Variants in EVI5 observed in about 807,000 individuals in gnomAD.
EVI5 encodes ecotropic viral integration site 5 protein homolog.
Under a neutral mutation model 112.0 loss-of-function variants are expected in EVI5, and 73 were observed. The observed-to-expected ratio is 0.65, with a 90% CI of 0.54 to 0.79. EVI5 has a LOEUF of 0.79. Ranked by LOEUF, EVI5 falls within the 30% of genes least tolerant of loss-of-function variation. The pLI, the probability that EVI5 is intolerant of heterozygous loss-of-function variation, is 0.00. For missense variants in EVI5, 900 were observed against 968.8 expected (o/e 0.93, Z 0.94); for synonymous variants, 305 against 319.9 (o/e 0.95, Z 0.50).
chr1:92,666,386 T>G (rs1417220121), intron 10 of EVI5, among the ~76,000 whole-genome samples: 1 of 150,322 alleles, frequency 6.7e-6, no homozygotes, highest in Non-Finnish European at 1.5e-5. Context: ...CATGCATGCA[T>G]GCACACACAT....
intron 1 of EVI5, chr1:92,756,579 A>AC (rs769771613): frequency 4.7e-5 from 24 of 509,556 alleles, no homozygotes; most frequent in Admixed American, 4.1e-4. Context: ...TGAAAGAAGC[A>AC]AAGAGAGGAC....
chr1:92,606,905 C>CAG (rs1650521934), intron 17 of EVI5, among the ~76,000 whole-genome samples: 5 of 100,330 alleles, frequency 5.0e-5, no homozygotes, highest in Non-Finnish European at 8.6e-5. Flanking sequence ...CACACACACA[C>CAG]ACACACACAC....
chr1:92,684,362 T>C (rs953287069), intron 9 of EVI5, among the ~76,000 whole-genome samples: 1 of 152,220 alleles, frequency 6.6e-6, no homozygotes, highest in Non-Finnish European at 1.5e-5. Flanking sequence ...TGAGAGATTT[T>C]GTCACCACCA....
chr1:92,523,911 C>A (rs1661393477), intron 19 of EVI5, among the ~76,000 whole-genome samples: 2 of 151,904 alleles, frequency 1.3e-5, no homozygotes, highest in African/African-American at 4.8e-5. Flanking sequence ...CATGGTGAAA[C>A]CCTGACTCTA....
chr1:92,561,844 G>A (rs1324472441), intron 19 of EVI5, among the ~76,000 whole-genome samples: 1 of 151,922 alleles, frequency 6.6e-6, no homozygotes, highest in Non-Finnish European at 1.5e-5. Flanking sequence ...CACCATGTTG[G>A]ATGGGCTGGT....
At chr1:92,570,626 G>A (rs1299573971) in intron 18 of EVI5, among the ~76,000 whole-genome samples, 2 of 152,156 alleles carry the variant, frequency 1.3e-5, no homozygotes, top group African/African-American at 2.4e-5. Context: ...GTTCAAGAAT[G>A]CAGAAAGACT....
chr1:92,663,228 G>A (rs546889265), intron 12 of EVI5, among the ~76,000 whole-genome samples, 192 bp downstream of exon 12: 215 of 152,164 alleles, frequency 1.4e-3, no homozygotes, highest in Middle Eastern at 3.4e-3. Context: ...GCTTTAAAAC[G>A]TGCAAAAATA....
At chr1:92,635,440 T>C (rs1376004251) in intron 14 of EVI5, among the ~76,000 whole-genome samples, 2 of 152,172 alleles carry the variant, frequency 1.3e-5, no homozygotes, top group East Asian at 3.9e-4. Context: ...GCTGTGCTAG[T>C]AATGAGTGAG....
At chr1:92,607,285 G>A (rs1650636045) in intron 17 of EVI5, among the ~76,000 whole-genome samples, 1 of 151,924 alleles carries the variant, frequency 6.6e-6, no homozygotes, top group African/African-American at 2.4e-5. Context: ...TAAAAGCTCT[G>A]GTTTTAAAGG....
Position 92,662,778 on chromosome 1 carries a change from T to C in EVI5, c.1333A>G (p.Ser445Gly). 7.8e-7 allele frequency: 1 copy of C among 1,289,530 alleles called. No individual in the cohort carries two copies. The highest frequency in any genetic ancestry group is 1.0e-6 in the Non-Finnish European group (1 of 988,722). 79.9% of individuals were successfully genotyped at this position (1,289,530 alleles called of 1,614,324 possible). The change falls in exon 13 of 20, where the codon AGT (serine) becomes GGT (glycine). Residue 445 changes from serine (S) to glycine (G), a missense_variant. By Grantham distance (56) the Ser-to-Gly change is moderately conservative. Coordinates refer to ENST00000684568, the MANE Select transcript of EVI5 (RefSeq NM_001350197.2). The part of the protein sequence containing the change: ...ATIKQQSDEA[S>G]AKLEQAENTI... Reference sequence around the variant, plus strand: ...TTTTCAGCTTGCTCCAGCTTAGCACTGGCCTCATCACTCTGCTGTTTGATG... The same window carrying C: ...TTTTCAGCTTGCTCCAGCTTAGCACCGGCCTCATCACTCTGCTGTTTGATG...
At chr1:92,610,599 C>A (rs1406897631) in intron 16 of EVI5, among the ~76,000 whole-genome samples, 1 of 151,310 alleles carries the variant, frequency 6.6e-6, no homozygotes, top group Non-Finnish European at 1.5e-5. Flanking sequence ...AAGTCACTAT[C>A]AAAAAAAATT....
At chr1:92,536,306 G>A (rs978815462) in intron 19 of EVI5, among the ~76,000 whole-genome samples, 5 of 152,096 alleles carry the variant, frequency 3.3e-5, no homozygotes, top group African/African-American at 1.2e-4. Context: ...AAAGGAAAGC[G>A]ATAAGTTATT....
intron 1 of EVI5, among the ~76,000 whole-genome samples, chr1:92,753,920 G>T (rs1368322703): frequency 6.6e-6 from 1 of 151,846 alleles, no homozygotes; most frequent in East Asian, 1.9e-4. Flanking sequence ...TCCATATTTT[G>T]AAAAAGAAAA....
At chr1:92,630,718 GT>G (rs1205256494) in intron 14 of EVI5, among the ~76,000 whole-genome samples, 1 of 152,106 alleles carries the variant, frequency 6.6e-6, no homozygotes, top group East Asian at 1.9e-4. Flanking sequence ...ATTGCTTTTG[GT>G]GTTTTAGACA....
chr1:92,684,729 CAA>C (rs981038887), intron 9 of EVI5, among the ~76,000 whole-genome samples: 1 of 140,006 alleles, frequency 7.1e-6, no homozygotes, highest in African/African-American at 2.6e-5. Context: ...AATTGGAAAG[CAA>C]AAAAAAAAGC....
At chr1:92,611,276 T>C (rs1557896665) in intron 16 of EVI5, among the ~76,000 whole-genome samples, 1 of 151,876 alleles carries the variant, frequency 6.6e-6, no homozygotes, top group African/African-American at 2.4e-5. Context: ...CTGAGATCTA[T>C]AAAGGAAGGG....
intron 19 of EVI5, among the ~76,000 whole-genome samples, chr1:92,550,960 A>T (rs192726828): frequency 1.0e-3 from 146 of 146,078 alleles, no homozygotes; most frequent in Middle Eastern, 3.6e-3. Context: ...AAAATAAAAT[A>T]AAAAAAACCC....
intron 18 of EVI5, among the ~76,000 whole-genome samples, chr1:92,565,156 T>C (rs1026573349): frequency 2.6e-5 from 4 of 152,212 alleles, no homozygotes; most frequent in Admixed American, 6.5e-5. Flanking sequence ...CTTTTAACAG[T>C]TGCCAATCAC....
chr1:92,579,222 A>G (rs1412650845), intron 18 of EVI5, among the ~76,000 whole-genome samples: 1 of 152,196 alleles, frequency 6.6e-6, no homozygotes, highest in East Asian at 1.9e-4. Flanking sequence ...GATGGCTCCT[A>G]AATATTCATC....
Sources: allele counts gnomAD v4.1 joint callset (sites outside exome capture counted in the v4.1 genomes callset), GRCh38; gene constraint gnomAD v4.1.1; transcripts MANE v1.5; gene names NCBI Gene and HGNC (gene_info 2026-07-23, HGNC 2026-07-21).